TENM3: variants seen among roughly 807,000 people sequenced by gnomAD.
TENM3 encodes the protein teneurin transmembrane protein 3, also known as teneurin-3.
In TENM3, 63 loss-of-function variants were observed where a neutral mutation model predicts 255.1. The ratio of observed to expected loss-of-function variants is 0.25; its 90% CI spans 0.20 to 0.30. The LOEUF is 0.30. TENM3 is among the 10% of genes least tolerant of loss of function. The probability of loss-of-function intolerance (pLI) is 1.00; values close to 1 mark genes in which losing one functional copy is unlikely to be tolerated. For missense variants in TENM3, 2,929 were observed against 3,461.1 expected, an observed-to-expected ratio of 0.85 and a Z score of 3.86; for synonymous variants, 1,306 against 1,322.3, an observed-to-expected ratio of 0.99 and a Z score of 0.27.
intron 3 of TENM3, among the ~76,000 whole-genome samples, chr4:182,557,159 A>C (rs2151955190): frequency 6.6e-6 from 1 of 152,192 alleles, no homozygotes; most frequent in East Asian, 1.9e-4. Context: ...AAATTAAATG[A>C]CTTTTTCTAT....
chr4:182,395,226 G>A (rs1057313668), intron 3 of TENM3, among the ~76,000 whole-genome samples: 1 of 152,092 alleles, frequency 6.6e-6, no homozygotes, highest in Non-Finnish European at 1.5e-5. Flanking sequence ...AGCATTTTAG[G>A]AGTAACATTG....
intron 22 of TENM3, 46 bp downstream of exon 22, chr4:182,755,305 A>G (rs1762647551): frequency 7.6e-7 from 1 of 1,320,980 alleles, no homozygotes; most frequent in Admixed American, 2.4e-5. Context: ...ACTGTGATAT[A>G]ATAATATCAT....
the TENM3 span, among the ~76,000 whole-genome samples, chr4:181,496,708 G>A: frequency 6.6e-6 from 1 of 152,194 alleles, no homozygotes; most frequent in African/African-American, 2.4e-5. Flanking sequence ...AATTCATTAA[G>A]ACCAGTGTGA....
At chr4:181,506,381 C>A in the TENM3 span, among the ~76,000 whole-genome samples, 20 of 150,970 alleles carry the variant, frequency 1.3e-4, no homozygotes, top group African/African-American at 4.4e-4. Context: ...AAATCCAGGA[C>A]GGAATGTTCA....
intron 12 of TENM3, among the ~76,000 whole-genome samples, chr4:182,709,989 A>G (rs755861186): frequency 3.3e-4 from 51 of 152,292 alleles, no homozygotes; most frequent in Admixed American, 1.0e-3. Flanking sequence ...TTACCTGTAA[A>G]TCAATCTACA....
At chr4:181,729,040 CAA>C in the TENM3 span, among the ~76,000 whole-genome samples, 2 of 152,002 alleles carry the variant, frequency 1.3e-5, no homozygotes, top group African/African-American at 4.8e-5. Flanking sequence ...GTGAACACTA[CAA>C]AATAAACCAG....
chr4:182,744,282 C>A, intron 19 of TENM3: 2 of 600,230 alleles, frequency 3.3e-6, no homozygotes, highest in Non-Finnish European at 4.2e-6. Context: ...CTCAGTATCA[C>A]ACATCATCGA....
At chr4:182,582,926 T>C (rs548287031) in intron 3 of TENM3, among the ~76,000 whole-genome samples, 5 of 152,230 alleles carry the variant, frequency 3.3e-5, no homozygotes, top group Non-Finnish European at 7.3e-5. Flanking sequence ...CTCTTTTCCC[T>C]GTGCAGTATC....
chr4:181,634,227 T>G, the TENM3 span, among the ~76,000 whole-genome samples: 3 of 152,214 alleles, frequency 2.0e-5, no homozygotes. Flanking sequence ...TATGGGGCTG[T>G]AAACATTTGC....
At chr4:182,097,855 GA>G in the TENM3 span, among the ~76,000 whole-genome samples, 1 of 151,836 alleles carries the variant, frequency 6.6e-6, no homozygotes, top group Admixed American at 6.6e-5. Context: ...TTTACCAAAG[GA>G]AAAAAAATGA....
chr4:182,764,537 A>G (rs999039766), intron 22 of TENM3, among the ~76,000 whole-genome samples: 2 of 152,174 alleles, frequency 1.3e-5, no homozygotes, highest in Non-Finnish European at 2.9e-5. Flanking sequence ...AAGGGAGGTA[A>G]TTTTTAAGAT....
chr4:181,613,650 T>A, the TENM3 span, among the ~76,000 whole-genome samples: 1 of 152,074 alleles, frequency 6.6e-6, no homozygotes, highest in African/African-American at 2.4e-5. Context: ...TGATAAAAAA[T>A]AACACGTCCT....
At position 182,802,569 on chromosome 4, in the gene TENM3, G is replaced by T. The variant is rs1767049139; in HGVS notation, c.*2218G>T. 2 of 152,596 alleles carry T rather than the reference G, an allele frequency of 1.3e-5. No individual in the cohort carries two copies. Among genetic ancestry groups the T allele is most frequent in the Non-Finnish European group, 1.5e-5 (1 of 68,038 alleles). The allele number at this position is 152,596 out of a possible 1,614,324, so 9.5% of individuals were successfully genotyped here. ...GAGATCATAGTCTTAACCTCTTCTT[G>T]ACGTGGACTGGTCTTCACTCGGGCA... On this transcript the variant is annotated 3_prime_UTR_variant, in exon 28 of 28. Transcript: ENST00000511685.
At chr4:181,526,304 T>A in the TENM3 span, among the ~76,000 whole-genome samples, 1 of 151,144 alleles carries the variant, frequency 6.6e-6, no homozygotes, top group East Asian at 1.9e-4. Flanking sequence ...GAGTGAGGAA[T>A]GAAGACCTCA....
the TENM3 span, among the ~76,000 whole-genome samples, chr4:181,460,780 G>T: frequency 1.1e-4 from 17 of 148,708 alleles, no homozygotes; most frequent in African/African-American, 4.2e-4. Context: ...TAAGAAACTT[G>T]CAACAGTGTA....
chr4:182,651,806 A>G (rs188833008), intron 5 of TENM3, among the ~76,000 whole-genome samples: 148 of 143,840 alleles, frequency 1.0e-3, no homozygotes, highest in African/African-American at 3.5e-3. Context: ...AGATGTCGCT[A>G]TCTACCTATT....
At chr4:181,844,441 G>A in the TENM3 span, among the ~76,000 whole-genome samples, 3 of 152,024 alleles carry the variant, frequency 2.0e-5, no homozygotes, top group African/African-American at 7.2e-5. Flanking sequence ...GGCCGAGGCG[G>A]GCGGATCACG....
chr4:182,567,478 G>A (rs952181368), intron 3 of TENM3, among the ~76,000 whole-genome samples: 3 of 152,100 alleles, frequency 2.0e-5, no homozygotes, highest in African/African-American at 7.2e-5. Context: ...AGAGTGAAAG[G>A]TAGTCTTTAA....
At chr4:181,645,369 C>G in the TENM3 span, among the ~76,000 whole-genome samples, 1 of 152,130 alleles carries the variant, frequency 6.6e-6, no homozygotes, top group African/African-American at 2.4e-5. Context: ...CGCTGAGAGC[C>G]TGGGCAGGGG....
Sources: gnomAD v4.1 joint callset for allele counts (sites outside exome capture counted in the v4.1 genomes callset) on GRCh38, gnomAD v4.1.1 for gene constraint, MANE v1.5 for transcripts, NCBI Gene and HGNC (gene_info 2026-07-23, HGNC 2026-07-21) for gene names.